Variants in MRPL43 observed in about 807,000 individuals in gnomAD.
MRPL43 encodes the protein mitochondrial ribosomal protein L43.
MRPL43 carries 9 observed loss-of-function variants against 12.7 expected under a neutral mutation model. The observed-to-expected ratio is 0.71, with a 90% CI of 0.43 to 1.24. The LOEUF is 1.24. Ranked by LOEUF, MRPL43 falls within the 50% of genes most tolerant of loss-of-function variation. The pLI, the probability that MRPL43 is intolerant of heterozygous loss-of-function variation, is 0.00. For missense variants in MRPL43, 211 were observed against 229.2 expected (o/e 0.92, Z 0.51); for synonymous variants, 116 against 96.4 (o/e 1.20, Z -1.19).
At chr10:100,983,461 G>A, downstream of MRPL43, 1 of 1,614,152 alleles carries the variant, frequency 6.2e-7, no homozygotes. Context: ...GGCGTGGACG[G>A]GCTGCTGGTT....
downstream of MRPL43, chr10:100,985,299 T>C (rs1484440106): frequency 1.7e-5 from 3 of 172,838 alleles, no homozygotes; most frequent in Non-Finnish European, 3.7e-5. Context: ...CGGGGCACTT[T>C]CAGGGGCCAG....
At chr10:100,983,270 C>T (rs191363822), downstream of MRPL43, 35 of 1,475,262 alleles carry the variant, frequency 2.4e-5, no homozygotes, top group East Asian at 3.2e-4. Flanking sequence ...CTTCCTGGGA[C>T]GGGCTGGTAC....
At chr10:100,980,457 C>T (rs1382961404), downstream of MRPL43, 2 of 1,346,826 alleles carry the variant, frequency 1.5e-6, no homozygotes, top group African/African-American at 1.4e-5. Context: ...GGGTCCACTG[C>T]TCCTGGCTGA....
downstream of MRPL43, chr10:100,979,334 C>G (rs776912948): frequency 3.1e-6 from 5 of 1,613,618 alleles, no homozygotes; most frequent in Non-Finnish European, 4.2e-6. Flanking sequence ...GAGCAGAGGT[C>G]AATGAGGATG....
chr10:100,983,137 CCAA>C (rs1412162492), downstream of MRPL43, among the ~76,000 whole-genome samples: 1 of 152,178 alleles, frequency 6.6e-6, no homozygotes, highest in Non-Finnish European at 1.5e-5. Flanking sequence ...CTGGGAAGGG[CCAA>C]CGTGAACCTT....
In MRPL43 at chr10:100,986,393, G is replaced by A; in HGVS notation, c.*341C>T. 2 of 1,471,202 alleles carry A rather than the reference G, an allele frequency of 1.4e-6. No homozygotes were observed. Among genetic ancestry groups the A allele is most frequent in the Non-Finnish European group, 1.8e-6 (2 of 1,115,086 alleles). 91.1% of individuals were successfully genotyped at this position (1,471,202 alleles called of 1,614,324 possible). ...CAGTGGTTGTTCCAATAAGACATCAGGGATTCTTCAGAAGCCAGCCTTCAG... is the reference window on the plus strand; with the variant it reads ...CAGTGGTTGTTCCAATAAGACATCAAGGATTCTTCAGAAGCCAGCCTTCAG... On this transcript the variant is annotated 3_prime_UTR_variant, in exon 3 of 3. Transcript: ENST00000318364.
downstream of MRPL43, chr10:100,980,513 C>A: frequency 6.8e-7 from 1 of 1,468,170 alleles, no homozygotes; most frequent in Non-Finnish European, 9.5e-7. Flanking sequence ...CGTATTAGGC[C>A]TCTTGCAGGG....
downstream of MRPL43, chr10:100,979,942 C>T (rs988692457): frequency 5.0e-6 from 8 of 1,614,060 alleles, no homozygotes; most frequent in Admixed American, 1.7e-5. Flanking sequence ...GGATGGTTCC[C>T]GGCGCTGGGG....
chr10:100,980,437 A>C (rs1033485552), downstream of MRPL43: 1 of 1,408,066 alleles, frequency 7.1e-7, no homozygotes. Flanking sequence ...TGGAGTTCCC[A>C]GTGTCCTGAG....
chr10:100,985,725 C>T (rs1442299110), downstream of MRPL43: 1 of 152,452 alleles, frequency 6.6e-6, no homozygotes, highest in Admixed American at 6.5e-5. Context: ...GCTCTGCTCC[C>T]CAATACAACT....
At chr10:100,978,933 C>T (rs540792779), downstream of MRPL43, 12 of 1,614,186 alleles carry the variant, frequency 7.4e-6, no homozygotes, top group Middle Eastern at 1.6e-4. Context: ...TACTTCTTCA[C>T]GGAGCGTGCC....
downstream of MRPL43, chr10:100,983,898 G>T: frequency 1.3e-6 from 2 of 1,523,114 alleles, no homozygotes; most frequent in South Asian, 1.2e-5. Flanking sequence ...TGGGGAGGGA[G>T]CCCCAGCCCC....
downstream of MRPL43, chr10:100,979,824 C>T (rs1164546538): frequency 1.9e-6 from 3 of 1,611,602 alleles, no homozygotes; most frequent in Admixed American, 3.3e-5. Flanking sequence ...TAACTCACCC[C>T]CCTTGCCCTA....
chr10:100,986,462 A>C lies in MRPL43; in HGVS notation c.*272T>G. On this transcript the variant is annotated 3_prime_UTR_variant, in exon 3 of 3. Transcript: ENST00000318364. ...AGATCATTATTATCAATTTGGATTT[A>C]AAAAACAAGGGCCCTGTAAAACCCT... 3 of 1,529,272 alleles carry C rather than the reference A, an allele frequency of 2.0e-6. No homozygotes were observed. The highest frequency in any genetic ancestry group is 2.6e-6 in the Non-Finnish European group (3 of 1,139,926). The allele number at this position is 1,529,272 out of a possible 1,614,324, so 94.7% of individuals were successfully genotyped here. A position where few individuals can be genotyped will look rare whatever the true frequency, so the allele number is the denominator to read the frequency against.
chr10:100,987,415 AAGC>A lies in MRPL43; in HGVS notation c.26_28del (p.Arg9_Phe10delinsLeu). ...TCCGTTGTGGAGAACGCTGGCCAAG[AAGC>A]GGCTCGGAGTCCCGCGCGCCGTCAT... is the stretch of plus-strand genomic sequence containing the variant. On this transcript the variant is annotated inframe_deletion, in exon 1 of 3. Transcript: ENST00000318364. 6.2e-7 allele frequency: 1 copy of A among 1,612,520 alleles called. No homozygotes were observed. Among genetic ancestry groups the A allele is most frequent in the Non-Finnish European group, 8.5e-7 (1 of 1,179,918 alleles).
chr10:100,979,035 T>C, downstream of MRPL43: 1 of 1,613,574 alleles, frequency 6.2e-7, no homozygotes, highest in Non-Finnish European at 8.5e-7. Flanking sequence ...TGGGCTGACG[T>C]TGGGGCACGG....
chr10:100,978,246 G>A (rs1161402125), downstream of MRPL43: 1 of 1,429,252 alleles, frequency 7.0e-7, no homozygotes, highest in Non-Finnish European at 9.8e-7. Flanking sequence ...TTGAGCCACT[G>A]TCCCTGCCTG....
chr10:100,985,506 G>A (rs1370830712), downstream of MRPL43: 1 of 152,652 alleles, frequency 6.6e-6, no homozygotes, highest in Non-Finnish European at 1.5e-5. Context: ...CACTTCTTTA[G>A]GAATGCCCCC....
At chr10:100,980,181 G>A (rs1471143694), downstream of MRPL43, 3 of 1,614,122 alleles carry the variant, frequency 1.9e-6, no homozygotes, top group Non-Finnish European at 2.5e-6. Flanking sequence ...TGCCATCCCT[G>A]GTCCTGGACT....
Sources: gnomAD v4.1 joint callset for allele counts (sites outside exome capture counted in the v4.1 genomes callset) on GRCh38, gnomAD v4.1.1 for gene constraint, MANE v1.5 for transcripts, NCBI Gene and HGNC (gene_info 2026-07-23, HGNC 2026-07-21) for gene names.